Variants in GSTA3 observed in about 807,000 individuals in gnomAD.
GSTA3 encodes the protein glutathione S-transferase A3.
In GSTA3, 16 loss-of-function variants were observed where a neutral mutation model predicts 23.1. That is an observed-to-expected ratio of 0.69 (90% CI 0.47 to 1.05). The LOEUF (loss-of-function observed/expected upper bound fraction) is 1.05, where lower values mean the gene tolerates loss of function less well. GSTA3 is among the 50% of genes least tolerant of loss of function. GSTA3 has a pLI of 0.00. For synonymous variants in GSTA3, 122 were observed against 91.0 expected (o/e 1.34, Z -1.94); for missense variants, 319 against 263.6 (o/e 1.21, Z -1.46).
At chr6:52,906,236 A>G (rs190050049) in intron 1 of GSTA3, among the ~76,000 whole-genome samples, 1 of 152,186 alleles carries the variant, frequency 6.6e-6, no homozygotes, top group African/African-American at 2.4e-5. Flanking sequence ...GCTAGAAGGG[A>G]TCTAGCTAGC....
In GSTA3 at chr6:52,905,807, AG is replaced by A; in HGVS notation, c.27del (p.Phe10SerfsTer26). The A allele has an allele frequency of 1.2e-6, 2 of 1,609,974 alleles. No individual in the cohort carries two copies. The highest frequency in any genetic ancestry group is 1.7e-6 in the Non-Finnish European group (2 of 1,177,438). On this transcript the variant is annotated frameshift_variant, in exon 2 of 7. Transcript: ENST00000211122. LOFTEE classifies it high-confidence loss of function. ...GGCTCCATTCTGCCCCGTCCATTGAAGTAGTGAAGCTTGGGCTTCCCTGCCA... is the reference window on the plus strand; with the variant it reads ...GGCTCCATTCTGCCCCGTCCATTGAATAGTGAAGCTTGGGCTTCCCTGCCA... MAGKPKLH[Y>X]FNGRGRMEPI...
intron 4 of GSTA3, among the ~76,000 whole-genome samples, chr6:52,901,653 A>T (rs910522899): frequency 2.0e-5 from 3 of 152,190 alleles, no homozygotes; most frequent in Admixed American, 2.0e-4. Context: ...CTAGTAGAGG[A>T]ATTGCTGGGT....
intron 1 of GSTA3, among the ~76,000 whole-genome samples, chr6:52,906,247 C>T (rs1248731921): frequency 6.6e-6 from 1 of 152,100 alleles, no homozygotes; most frequent in Non-Finnish European, 1.5e-5. Context: ...TCTAGCTAGC[C>T]CTTCCTCCAG....
intron 1 of GSTA3, among the ~76,000 whole-genome samples, chr6:52,906,381 C>T (rs1271580079): frequency 6.6e-6 from 1 of 152,130 alleles, no homozygotes; most frequent in Non-Finnish European, 1.5e-5. Context: ...TCCTGTTATG[C>T]CTCATTATTG....
chr6:52,906,500 A>G (rs910610168), intron 1 of GSTA3, among the ~76,000 whole-genome samples: 4 of 152,218 alleles, frequency 2.6e-5, no homozygotes, highest in African/African-American at 7.2e-5. Flanking sequence ...AGCCCGCATC[A>G]TCAAGTCAAT....
intron 1 of GSTA3, among the ~76,000 whole-genome samples, chr6:52,907,238 G>A (rs1765919965): frequency 8.8e-6 from 1 of 113,600 alleles, no homozygotes; most frequent in South Asian, 2.5e-4. Flanking sequence ...ACCATCACTG[G>A]CCATCAGAGA....
chr6:52,909,404 C>G (rs2127366377), intron 1 of GSTA3, among the ~76,000 whole-genome samples: 1 of 152,344 alleles, frequency 6.6e-6, no homozygotes, highest in Non-Finnish European at 1.5e-5. Flanking sequence ...AATGATACCA[C>G]TCTTACTTTT....
At chr6:52,901,684 A>T (rs1325035717) in intron 4 of GSTA3, among the ~76,000 whole-genome samples, 1 of 152,192 alleles carries the variant, frequency 6.6e-6, no homozygotes, top group East Asian at 1.9e-4. Context: ...TCTACACTAA[A>T]CTTTTTGAAG....
chr6:52,903,092 A>G (rs1389934946), intron 3 of GSTA3, among the ~76,000 whole-genome samples: 2 of 152,098 alleles, frequency 1.3e-5, no homozygotes, highest in African/African-American at 4.8e-5. Context: ...ACGGTGCCCC[A>G]AGCATGAAAA....
intron 6 of GSTA3, among the ~76,000 whole-genome samples, chr6:52,897,540 G>T (rs1765492145): frequency 6.6e-6 from 1 of 152,228 alleles, no homozygotes. Flanking sequence ...CTCAGGAACA[G>T]ACCACAGAGG....
intron 3 of GSTA3, among the ~76,000 whole-genome samples, 178 bp downstream of exon 3, chr6:52,903,498 G>A (rs1765771430): frequency 6.6e-6 from 1 of 151,080 alleles, no homozygotes; most frequent in Non-Finnish European, 1.5e-5. Flanking sequence ...TCGGGAGGCT[G>A]AGGCAGGAGA....
chr6:52,901,670 T>C (rs1038000949), intron 4 of GSTA3, among the ~76,000 whole-genome samples: 1 of 152,244 alleles, frequency 6.6e-6, no homozygotes, highest in African/African-American at 2.4e-5. Context: ...GGGTCATTGG[T>C]AACTCTACAC....
In GSTA3 at chr6:52,903,470, G is replaced by A. The variant is rs1048467024; in HGVS notation, c.139+206C>T. Among the ~76,000 whole-genome samples, 5 of 150,402 alleles carry A rather than the reference G, an allele frequency of 3.3e-5. No homozygotes were observed. The South Asian group carries it at 6.4e-4, about 19-fold the overall frequency. On this transcript the variant is annotated intron_variant, in intron 3 of 6. Coordinates refer to ENST00000211122, the MANE Select transcript of GSTA3 (RefSeq NM_000847.5). Reference sequence around the variant, plus strand: ...AAACTAGCCTGGTGTGGTGTCTGGCGCCTGTAGTCCCAGCTACTCGGGAGG... The same window carrying A: ...AAACTAGCCTGGTGTGGTGTCTGGCACCTGTAGTCCCAGCTACTCGGGAGG...
At chr6:52,899,458 C>T (rs142664748) in intron 5 of GSTA3, among the ~76,000 whole-genome samples, 1 of 152,156 alleles carries the variant, frequency 6.6e-6, no homozygotes, top group Non-Finnish European at 1.5e-5. Flanking sequence ...CCTCTCCACC[C>T]CACTGTCACT....
intron 1 of GSTA3, among the ~76,000 whole-genome samples, chr6:52,909,311 A>G (rs560499299): frequency 6.6e-6 from 1 of 152,346 alleles, no homozygotes; most frequent in South Asian, 2.1e-4. Context: ...ACACGAATAC[A>G]TGTTTTTAAT....
intron 5 of GSTA3, among the ~76,000 whole-genome samples, chr6:52,898,688 G>C (rs948738841): frequency 5.9e-5 from 9 of 152,098 alleles, no homozygotes; most frequent in Non-Finnish European, 1.2e-4. Context: ...TAAAGTTTCA[G>C]TGACGCAAAA....
At chr6:52,904,968 C>G (rs1020733066) in intron 2 of GSTA3, among the ~76,000 whole-genome samples, 1 of 152,204 alleles carries the variant, frequency 6.6e-6, no homozygotes, top group African/African-American at 2.4e-5. Context: ...TGCCAATCCT[C>G]AGGACAGAAC....
intron 3 of GSTA3, 67 bp downstream of exon 3, chr6:52,903,609 A>G: frequency 1.2e-6 from 1 of 859,896 alleles, no homozygotes; most frequent in Non-Finnish European, 1.9e-6. Context: ...AAAAAAAAAA[A>G]TCAATCTTCA....
At chr6:52,899,842 A>T in intron 5 of GSTA3, 92 bp downstream of exon 5, 2 of 1,198,694 alleles carry the variant, frequency 1.7e-6, no homozygotes, top group Non-Finnish European at 2.4e-6. Flanking sequence ...GTCTCACTGA[A>T]AGTGAAGGTC....
Sources: gnomAD v4.1 joint callset for allele counts (sites outside exome capture counted in the v4.1 genomes callset) on GRCh38, gnomAD v4.1.1 for gene constraint, MANE v1.5 for transcripts, NCBI Gene and HGNC (gene_info 2026-07-23, HGNC 2026-07-21) for gene names.